Variants in UGGT2 observed in about 807,000 individuals in gnomAD.
UGGT2 encodes UDP-glucose glycoprotein glucosyltransferase 2.
In UGGT2, 180 loss-of-function variants were observed where a neutral mutation model predicts 192.1. That is an observed-to-expected ratio of 0.94 (90% confidence interval 0.83 to 1.06). UGGT2 has a LOEUF of 1.06. Ranked by LOEUF, UGGT2 falls within the 50% of genes least tolerant of loss-of-function variation. The pLI, the probability that UGGT2 is intolerant of heterozygous loss-of-function variation, is 0.00. For missense variants in UGGT2, 1,849 were observed against 1,795.7 expected (o/e 1.03, Z -0.54); for synonymous variants, 580 against 591.0 (o/e 0.98, Z 0.27).
intron 5 of UGGT2, among the ~76,000 whole-genome samples, chr13:96,003,073 C>T (rs1292379159): frequency 6.6e-6 from 1 of 152,114 alleles, no homozygotes; most frequent in Non-Finnish European, 1.5e-5. Context: ...GGACAGCTAT[C>T]CTAAGCTTTG....
At chr13:95,860,612 T>C (rs1168944809) in intron 32 of UGGT2, among the ~76,000 whole-genome samples, 176 bp downstream of exon 32, 1 of 151,110 alleles carries the variant, frequency 6.6e-6, no homozygotes, top group Admixed American at 6.6e-5. Flanking sequence ...TGTATGTATC[T>C]CCTTAGCAGG....
chr13:96,013,770 T>C (rs1018961548), intron 4 of UGGT2, among the ~76,000 whole-genome samples: 3 of 152,110 alleles, frequency 2.0e-5, no homozygotes, highest in Non-Finnish European at 4.4e-5. Flanking sequence ...AAATAAAATT[T>C]ATATTTTATG....
intron 10 of UGGT2, among the ~76,000 whole-genome samples, chr13:95,983,323 A>G (rs1400098702): frequency 6.6e-6 from 1 of 152,188 alleles, no homozygotes; most frequent in Non-Finnish European, 1.5e-5. Flanking sequence ...AAAGCCAGGC[A>G]GTGGTGTAAG....
chr13:95,884,240 T>C (rs2047580129), intron 27 of UGGT2, among the ~76,000 whole-genome samples: 1 of 151,966 alleles, frequency 6.6e-6, no homozygotes, highest in South Asian at 2.1e-4. Flanking sequence ...CTTTGCAAGC[T>C]AGTAGTCTCA....
At chr13:95,897,546 A>G (rs2047981830) in intron 22 of UGGT2, among the ~76,000 whole-genome samples, 1 of 152,188 alleles carries the variant, frequency 6.6e-6, no homozygotes, top group Admixed American at 6.5e-5. Context: ...ATTCTAATGG[A>G]AACATTTGAA....
intron 38 of UGGT2, among the ~76,000 whole-genome samples, chr13:95,805,001 C>G (rs757785671): frequency 1.1e-4 from 17 of 151,946 alleles, no homozygotes; most frequent in Non-Finnish European, 2.4e-4. Context: ...GGAAAGGTAA[C>G]CTAGCAAATA....
At chr13:95,924,762 G>A (rs190124977) in intron 20 of UGGT2, among the ~76,000 whole-genome samples, 88 of 152,230 alleles carry the variant, frequency 5.8e-4, no homozygotes, top group African/African-American at 2.1e-3. Context: ...ACCAAAAACA[G>A]GTCTATGTGG....
intron 20 of UGGT2, among the ~76,000 whole-genome samples, chr13:95,904,698 T>C (rs374273558): frequency 4.6e-5 from 7 of 152,304 alleles, no homozygotes; most frequent in East Asian, 3.9e-4. Context: ...TCTATCATTG[T>C]TGGACATTTC....
intron 38 of UGGT2, among the ~76,000 whole-genome samples, chr13:95,802,342 A>T (rs540310431): frequency 4.6e-5 from 7 of 152,330 alleles, no homozygotes; most frequent in African/African-American, 1.2e-4. Context: ...CTGAGCTGTC[A>T]CATACCAACT....
rs1594318451 is a variant in UGGT2 at position 95,916,140 on chromosome 13, GGT to G, written c.2295+9538_2295+9539del. Among the ~76,000 whole-genome samples, 5 of 152,122 alleles carry G rather than the reference GGT, an allele frequency of 3.3e-5. No individual in the cohort carries two copies. In the East Asian group the frequency reaches 9.6e-4, roughly 29 times the overall value. On this transcript the variant is annotated intron_variant, in intron 20 of 38. Coordinates refer to ENST00000376747, the MANE Select transcript of UGGT2 (RefSeq NM_020121.4). ...CAAGGGTCTCCAGCCACCTGCTATA[GGT>G]GTGTTTGGGCTGGCAATAGGTCTGT...
chr13:96,043,217 C>T (rs1482416973), intron 1 of UGGT2, among the ~76,000 whole-genome samples: 1 of 152,090 alleles, frequency 6.6e-6, no homozygotes, highest in Non-Finnish European at 1.5e-5. Context: ...CTATCTTCTG[C>T]CTCTTAAACA....
At chr13:95,888,489 G>A (rs2047710250) in intron 25 of UGGT2, among the ~76,000 whole-genome samples, 2 of 152,158 alleles carry the variant, frequency 1.3e-5, no homozygotes, top group Admixed American at 1.3e-4. Flanking sequence ...TGTCAGTGAA[G>A]ATTCTAAAGC....
chr13:95,801,885 G>T, intron 38 of UGGT2, 73 bp from the exon 39 acceptor site: 1 of 1,564,770 alleles, frequency 6.4e-7, no homozygotes, highest in Non-Finnish European at 8.8e-7. Context: ...ACTTACATAT[G>T]ATGAGGAAGC....
intron 4 of UGGT2, among the ~76,000 whole-genome samples, chr13:96,019,579 G>A (rs1347533581): frequency 6.6e-6 from 1 of 152,118 alleles, no homozygotes; most frequent in Non-Finnish European, 1.5e-5. Context: ...ACACTTATCA[G>A]GGAATGGGTC....
chr13:95,968,893 C>T (rs6492827), intron 12 of UGGT2, among the ~76,000 whole-genome samples: 55,023 of 151,868 alleles, frequency 0.36, 10,303 homozygotes, highest in Middle Eastern at 0.42. Flanking sequence ...GGGTTGCTCA[C>T]ACCTTGGATA....
chr13:96,040,926 A>G (rs1302836875), intron 1 of UGGT2, among the ~76,000 whole-genome samples: 3 of 152,218 alleles, frequency 2.0e-5, no homozygotes, highest in African/African-American at 7.2e-5. Flanking sequence ...AGATCTAGGC[A>G]AACAGTTAAA....
chr13:95,972,850 AT>A (rs1488567614), intron 10 of UGGT2, among the ~76,000 whole-genome samples, 179 bp from the exon 11 acceptor site: 1 of 152,230 alleles, frequency 6.6e-6, no homozygotes, highest in African/African-American at 2.4e-5. Context: ...ATGTAAACAA[AT>A]GGACATTGCA....
chr13:95,997,370 A>G (rs1005587475), intron 6 of UGGT2, among the ~76,000 whole-genome samples: 4 of 152,318 alleles, frequency 2.6e-5, no homozygotes, highest in South Asian at 4.1e-4. Flanking sequence ...TAGTCTGGCC[A>G]GGTGTGGTGG....
At chr13:95,883,423 T>C (rs2047550924) in intron 27 of UGGT2, among the ~76,000 whole-genome samples, 1 of 152,156 alleles carries the variant, frequency 6.6e-6, no homozygotes, top group African/African-American at 2.4e-5. Context: ...TTCCTCATTT[T>C]CTGGATACCA....
Sources: gnomAD v4.1 joint callset for allele counts (sites outside exome capture counted in the v4.1 genomes callset) on GRCh38, gnomAD v4.1.1 for gene constraint, MANE v1.5 for transcripts, NCBI Gene and HGNC (gene_info 2026-07-23, HGNC 2026-07-21) for gene names.